The following ARIH1 variants were observed in gnomAD, a reference collection of about 807,000 sequenced individuals.
ARIH1 encodes E3 ubiquitin-protein ligase ARIH1.
ARIH1 carries 8 observed loss-of-function variants against 85.0 expected under a neutral mutation model. The observed-to-expected ratio is 0.09, with a 90% confidence interval of 0.06 to 0.17. The LOEUF (loss-of-function observed/expected upper bound fraction) is 0.17, where lower values mean the gene tolerates loss of function less well. ARIH1 is among the 10% of genes least tolerant of loss of function. The pLI, the probability that ARIH1 is intolerant of heterozygous loss-of-function variation, is 1.00. For missense variants in ARIH1, 311 were observed against 718.1 expected, an observed-to-expected ratio of 0.43 and a Z score of 6.48; for synonymous variants, 238 against 253.6, an observed-to-expected ratio of 0.94 and a Z score of 0.59.
At chr15:72,561,606 T>A in intron 6 of ARIH1, 57 bp downstream of exon 6, 2 of 1,022,112 alleles carry the variant, frequency 2.0e-6, no homozygotes, top group Non-Finnish European at 2.8e-6. Context: ...ATAGAAATAC[T>A]ATTTTAAAAA....
rs1377137620 is a variant in ARIH1, at chr15:72,595,823, T to C, written c.*12531T>C. The stretch of plus-strand genomic sequence containing the variant: ...TGTTTTTTCTGTTTTTTTTTTTTTT[T>C]TTTCATCTTTGTTTTTGTTTTTTTG... On this transcript the variant is annotated 3_prime_UTR_variant, in exon 14 of 14. Transcript: ENST00000379887. 1 of 148,042 alleles carries C rather than the reference T, an allele frequency of 6.8e-6. No individual in the cohort carries two copies. The highest frequency in any genetic ancestry group is 1.9e-4 in the East Asian group (1 of 5,162). The allele number at this position is 148,042 out of a possible 1,614,324, so 9.2% of individuals were successfully genotyped here. A position where few individuals can be genotyped will look rare whatever the true frequency, so the allele number is the denominator to read the frequency against.
At chr15:72,555,058 AT>A (rs1337052384) in intron 3 of ARIH1, among the ~76,000 whole-genome samples, 1 of 152,130 alleles carries the variant, frequency 6.6e-6, no homozygotes, top group East Asian at 1.9e-4. Flanking sequence ...TAATACAAAC[AT>A]TGTTGCCCGC....
intron 6 of ARIH1, among the ~76,000 whole-genome samples, chr15:72,562,382 A>G (rs1269574778): frequency 6.6e-6 from 1 of 152,196 alleles, no homozygotes; most frequent in Non-Finnish European, 1.5e-5. Context: ...CTGTATGACA[A>G]CATCAGTAAC....
At position 72,598,739 on chromosome 15, in the gene ARIH1, T is replaced by C. The variant is rs75137191; in HGVS notation, c.*15447T>C. ...AAAAAAAAAAAAAAAAATTTTTTTTTAAACACGTCTCACTGCCACCCAGGC... is the reference window on the plus strand; with the variant it reads ...AAAAAAAAAAAAAAAAATTTTTTTTCAAACACGTCTCACTGCCACCCAGGC... On this transcript the variant is annotated 3_prime_UTR_variant, in exon 14 of 14. Coordinates refer to ENST00000379887, the MANE Select transcript of ARIH1 (RefSeq NM_005744.5). 6.6e-6 allele frequency: 1 copy of C among 151,954 alleles called. No homozygotes were observed. Among genetic ancestry groups the C allele is most frequent in the Non-Finnish European group, 1.5e-5 (1 of 68,008 alleles). The allele number at this position is 151,954 out of a possible 1,614,324, so 9.4% of individuals were successfully genotyped here.
At chr15:72,475,050 G>T in intron 1 of ARIH1, 36 bp downstream of exon 1, 1 of 1,546,406 alleles carries the variant, frequency 6.5e-7, no homozygotes, top group Non-Finnish European at 8.7e-7. Flanking sequence ...GACCGGGCCC[G>T]ACGGGGGAGC....
chr15:72,540,613 A>G (rs1001253412), intron 2 of ARIH1, among the ~76,000 whole-genome samples: 3 of 152,170 alleles, frequency 2.0e-5, no homozygotes, highest in Admixed American at 2.0e-4. Flanking sequence ...CATTTAAAAT[A>G]CTTAGCAGTA....
At chr15:72,476,959 GCCTT>G (rs927681689) in intron 1 of ARIH1, among the ~76,000 whole-genome samples, 1 of 152,064 alleles carries the variant, frequency 6.6e-6, no homozygotes, top group African/African-American at 2.4e-5. Context: ...TCTGTTATTT[GCCTT>G]CCTTTTTATT....
chr15:72,485,002 A>G (rs367964250), intron 1 of ARIH1, among the ~76,000 whole-genome samples: 11 of 152,328 alleles, frequency 7.2e-5, no homozygotes, highest in African/African-American at 2.6e-4. Flanking sequence ...AGGAATCTCC[A>G]CACTGTTTTC....
chr15:72,518,527 C>T (rs1003723937), intron 2 of ARIH1, among the ~76,000 whole-genome samples: 9 of 152,152 alleles, frequency 5.9e-5, no homozygotes, highest in South Asian at 2.1e-4. Context: ...TGGTGGCTCA[C>T]GCCTGTGATC....
At chr15:72,514,930 T>C (rs1485749706) in intron 1 of ARIH1, among the ~76,000 whole-genome samples, 3 of 151,668 alleles carry the variant, frequency 2.0e-5, no homozygotes, top group Non-Finnish European at 4.4e-5. Context: ...GAGGGTGCAG[T>C]GAGCCTAGAT....
Position 72,589,330 on chromosome 15 carries a change from A to T in ARIH1, c.*6038A>T, listed in dbSNP as rs2064331171. 1 of 152,270 alleles carries T rather than the reference A, an allele frequency of 6.6e-6. No homozygotes were observed. Among genetic ancestry groups the T allele is most frequent in the African/African-American group, 2.4e-5 (1 of 41,476 alleles). 9.4% of individuals were successfully genotyped at this position (152,270 alleles called of 1,614,324 possible). On this transcript the variant is annotated 3_prime_UTR_variant, in exon 14 of 14. Transcript: ENST00000379887. Reference sequence around the variant, plus strand: ...AGGAATATTGTGAGGATCAAAGAACATGTGAAAACAAAACCTAGTTACAAT... The same window carrying T: ...AGGAATATTGTGAGGATCAAAGAACTTGTGAAAACAAAACCTAGTTACAAT...
chr15:72,543,850 T>G (rs1215717650), intron 2 of ARIH1, among the ~76,000 whole-genome samples: 3 of 150,944 alleles, frequency 2.0e-5, no homozygotes, highest in South Asian at 2.1e-4. Context: ...TTGAAAAGTT[T>G]TTTTTTTTTT....
At chr15:72,560,898 T>G (rs2064194742) in intron 5 of ARIH1, among the ~76,000 whole-genome samples, 1 of 152,134 alleles carries the variant, frequency 6.6e-6, no homozygotes. Context: ...CTACGTGGGA[T>G]CCTGTGAATT....
chr15:72,583,194 C>G lies in ARIH1; in HGVS notation c.1590-14C>G. ...GCTGACAACAAGTTTTTTTTTTTTT[C>G]TCTTTGATTACAGATACTGTGAGAG... On this transcript the variant is annotated splice_polypyrimidine_tract_variant and intron_variant, in intron 13 of 13. Transcript: ENST00000379887. 3 of 1,361,238 alleles carry G rather than the reference C, an allele frequency of 2.2e-6. No individual in the cohort carries two copies. Among genetic ancestry groups the G allele is most frequent in the Non-Finnish European group, 2.9e-6 (3 of 1,026,600 alleles). The allele number at this position is 1,361,238 out of a possible 1,614,324, so 84.3% of individuals were successfully genotyped here. A position where few individuals can be genotyped will look rare whatever the true frequency, so the allele number is the denominator to read the frequency against.
chr15:72,508,891 A>G (rs573425537), intron 1 of ARIH1, among the ~76,000 whole-genome samples: 1 of 151,526 alleles, frequency 6.6e-6, no homozygotes, highest in Middle Eastern at 3.4e-3. Flanking sequence ...ATGAGGTTTC[A>G]CCATATTGGT....
intron 11 of ARIH1, among the ~76,000 whole-genome samples, chr15:72,576,146 C>A (rs2064269972): frequency 6.6e-6 from 1 of 152,020 alleles, no homozygotes; most frequent in Non-Finnish European, 1.5e-5. Context: ...GTTATGTAGG[C>A]TTTAAAACAT....
intron 5 of ARIH1, among the ~76,000 whole-genome samples, chr15:72,557,102 T>C (rs1172615913): frequency 2.6e-5 from 4 of 152,208 alleles, no homozygotes; most frequent in Non-Finnish European, 4.4e-5. Context: ...TTTTTTACTT[T>C]TTAAAATTAT....
At chr15:72,530,643 A>C (rs910707085) in intron 2 of ARIH1, among the ~76,000 whole-genome samples, 1 of 152,206 alleles carries the variant, frequency 6.6e-6, no homozygotes, top group Non-Finnish European at 1.5e-5. Flanking sequence ...GGAACTTAAG[A>C]TACTGGAATT....
chr15:72,553,533 C>T (rs1374938829), intron 3 of ARIH1, among the ~76,000 whole-genome samples: 1 of 151,874 alleles, frequency 6.6e-6, no homozygotes, highest in Non-Finnish European at 1.5e-5. Flanking sequence ...TAAATTCACC[C>T]CCTAATTCCT....
Sources: allele counts gnomAD v4.1 joint callset (sites outside exome capture counted in the v4.1 genomes callset), GRCh38; gene constraint gnomAD v4.1.1; transcripts MANE v1.5; gene names NCBI Gene and HGNC (gene_info 2026-07-23, HGNC 2026-07-21).